Variants in SPAG16 observed in about 807,000 individuals in gnomAD.
SPAG16 encodes the protein sperm associated antigen 16, also known as sperm-associated antigen 16 protein.
Under a neutral mutation model 80.4 loss-of-function variants are expected in SPAG16, and 86 were observed. The observed-to-expected ratio is 1.07, with a 90% CI of 0.90 to 1.28. The LOEUF (loss-of-function observed/expected upper bound fraction) is 1.28, where lower values mean the gene tolerates loss of function less well. Among genes scored for constraint, SPAG16 ranks in the 50% most tolerant of loss-of-function variants. The pLI is 0.00. For synonymous variants in SPAG16, 294 were observed against 265.9 expected, an observed-to-expected ratio of 1.11 and a Z score of -1.03; for missense variants, 870 against 765.3, an observed-to-expected ratio of 1.14 and a Z score of -1.61.
intron 15 of SPAG16, among the ~76,000 whole-genome samples, chr2:214,358,571 T>G (rs548725366): frequency 6.6e-6 from 1 of 151,726 alleles, no homozygotes; most frequent in South Asian, 2.1e-4. Flanking sequence ...AATCTACCAC[T>G]GAAAACAGAG....
chr2:213,340,060 C>T (rs1302498899), intron 5 of SPAG16, 103 bp from the exon 6 acceptor site: 1 of 690,426 alleles, frequency 1.4e-6, no homozygotes, highest in South Asian at 2.0e-5. Flanking sequence ...ATTTGTTTTC[C>T]TATTATCTTT....
At chr2:213,449,598 T>C (rs999712446) in intron 9 of SPAG16, among the ~76,000 whole-genome samples, 7 of 152,156 alleles carry the variant, frequency 4.6e-5, no homozygotes, top group African/African-American at 1.7e-4. Flanking sequence ...CTGACACTTA[T>C]GGAAAATAGA....
At chr2:214,182,768 G>C (rs150715323) in intron 15 of SPAG16, among the ~76,000 whole-genome samples, 1 of 151,782 alleles carries the variant, frequency 6.6e-6, no homozygotes, top group Non-Finnish European at 1.5e-5. Context: ...TGTAAGAAAC[G>C]ATCTCCTTAC....
At chr2:214,086,967 G>T (rs1354139591) in intron 13 of SPAG16, among the ~76,000 whole-genome samples, 2 of 152,150 alleles carry the variant, frequency 1.3e-5, no homozygotes, top group Admixed American at 1.3e-4. Flanking sequence ...TTGATGTCAA[G>T]TAGTTACTAC....
intron 15 of SPAG16, among the ~76,000 whole-genome samples, chr2:214,290,431 ACCCT>A (rs1693712180): frequency 6.6e-6 from 1 of 151,666 alleles, no homozygotes. Flanking sequence ...GATTTGACTT[ACCCT>A]TGCTTTCCTA....
At chr2:213,603,301 A>G (rs966139281) in intron 10 of SPAG16, among the ~76,000 whole-genome samples, 3 of 152,204 alleles carry the variant, frequency 2.0e-5, no homozygotes, top group Non-Finnish European at 4.4e-5. Context: ...CTTCTGTTTT[A>G]TCACAAATTT....
intron 10 of SPAG16, among the ~76,000 whole-genome samples, chr2:213,750,341 C>T (rs551154062): frequency 5.3e-5 from 8 of 152,208 alleles, no homozygotes; most frequent in Non-Finnish European, 1.2e-4. Context: ...ACAAGAGTTA[C>T]ATCGAAATAT....
intron 15 of SPAG16, among the ~76,000 whole-genome samples, chr2:214,324,205 G>T (rs1696310782): frequency 6.6e-6 from 1 of 152,120 alleles, no homozygotes; most frequent in Non-Finnish European, 1.5e-5. Flanking sequence ...CTCAAATAAT[G>T]CATAAATGTT....
At chr2:213,920,049 CT>C (rs2106203586) in intron 11 of SPAG16, among the ~76,000 whole-genome samples, 1 of 152,244 alleles carries the variant, frequency 6.6e-6, no homozygotes, top group Non-Finnish European at 1.5e-5. Flanking sequence ...TAATGCTCCC[CT>C]TTTTTCGTCT....
intron 10 of SPAG16, among the ~76,000 whole-genome samples, chr2:213,643,349 T>C (rs1301402412): frequency 7.5e-4 from 3 of 3,986 alleles, no homozygotes; most frequent in African/African-American, 1.8e-3. Flanking sequence ...ATCTTAATTT[T>C]ATATATATAT....
intron 15 of SPAG16, among the ~76,000 whole-genome samples, chr2:214,298,552 A>G (rs1334934348): frequency 6.6e-6 from 1 of 152,164 alleles, no homozygotes; most frequent in East Asian, 1.9e-4. Flanking sequence ...AATGTCTCAG[A>G]TTTTATCTAT....
intron 10 of SPAG16, among the ~76,000 whole-genome samples, chr2:213,749,287 C>A (rs1365165745): frequency 6.6e-6 from 1 of 151,712 alleles, no homozygotes; most frequent in Non-Finnish European, 1.5e-5. Flanking sequence ...TAATATAAAT[C>A]TATTTATATA....
At chr2:213,643,352 A>T (rs1208674585) in intron 10 of SPAG16, among the ~76,000 whole-genome samples, 2 of 3,980 alleles carry the variant, frequency 5.0e-4, no homozygotes, top group East Asian at 0.01. Context: ...TTAATTTTAT[A>T]TATATATATA....
At position 213,890,632 on chromosome 2, in the gene SPAG16, A is replaced by G. The variant is rs73986982; in HGVS notation, c.1214+28004A>G. ...GTAGACAGAAAGGATGGTTTCATTT[A>G]TATTTGTTCAATTATTTTCTTTAAC... is the stretch of plus-strand genomic sequence containing the variant. On this transcript the variant is annotated intron_variant, in intron 11 of 15. Coordinates refer to ENST00000331683, the MANE Select transcript of SPAG16 (RefSeq NM_024532.5). Among the ~76,000 whole-genome samples, 678 of 152,096 alleles carry G rather than the reference A, an allele frequency of 4.5e-3. 3 individuals are homozygous for G. The highest frequency in any genetic ancestry group is 0.015 in the African/African-American group (644 of 41,558).
chr2:214,020,098 T>A (rs924739051), intron 13 of SPAG16, among the ~76,000 whole-genome samples: 1 of 152,124 alleles, frequency 6.6e-6, no homozygotes, highest in Admixed American at 6.6e-5. Context: ...ACCATTATTA[T>A]CTTTATTTCA....
intron 5 of SPAG16, 22 bp from the exon 6 acceptor site, chr2:213,340,141 A>G: frequency 6.5e-7 from 1 of 1,534,330 alleles, no homozygotes; most frequent in Non-Finnish European, 9.0e-7. Flanking sequence ...AGTGATTTAT[A>G]AAGTTACTAT....
At chr2:214,014,397 G>A (rs763838357) in intron 13 of SPAG16, among the ~76,000 whole-genome samples, 7 of 152,122 alleles carry the variant, frequency 4.6e-5, no homozygotes, top group Admixed American at 4.6e-4. Flanking sequence ...CTTTTAGCTA[G>A]GTAAAGGAAG....
chr2:214,315,939 T>A lies in SPAG16; in HGVS notation c.1721-94201T>A, dbSNP rs561245450. ...TATGTTTTAAAGTAGTGCAGACCTC[T>A]AGCTTTTAATCCAGTGACAGCAGTA... On this transcript the variant is annotated intron_variant, in intron 15 of 15. Coordinates refer to ENST00000331683, the MANE Select transcript of SPAG16 (RefSeq NM_024532.5). Among the ~76,000 whole-genome samples the A allele has an allele frequency of 3.3e-5, 5 of 152,352 alleles. No individual in the cohort carries two copies. In the South Asian group the frequency reaches 1.0e-3, roughly 32 times the overall value.
chr2:213,976,024 G>A (rs528340274), intron 12 of SPAG16, among the ~76,000 whole-genome samples: 4 of 150,414 alleles, frequency 2.7e-5, no homozygotes. Flanking sequence ...TATCATGTGG[G>A]TCTCCTCTTC....
Sources: allele counts gnomAD v4.1 joint callset (sites outside exome capture counted in the v4.1 genomes callset), GRCh38; gene constraint gnomAD v4.1.1; transcripts MANE v1.5; gene names NCBI Gene and HGNC (gene_info 2026-07-23, HGNC 2026-07-21).